The following LRRC4C variants were observed in gnomAD, a reference collection of about 807,000 sequenced individuals.
LRRC4C encodes leucine rich repeat containing 4C, also known as leucine-rich repeat-containing protein 4C.
LRRC4C carries 5 observed loss-of-function variants against 33.6 expected under a neutral mutation model. The ratio of observed to expected loss-of-function variants is 0.15; its 90% CI spans 0.08 to 0.31. The LOEUF (loss-of-function observed/expected upper bound fraction) is 0.31. LRRC4C is among the 10% of genes least tolerant of loss of function. The pLI is 1.00. For synonymous variants in LRRC4C, 329 were observed against 302.0 expected (o/e 1.09, Z -0.93); for missense variants, 560 against 796.7 (o/e 0.70, Z 3.58).
intron 1 of LRRC4C, among the ~76,000 whole-genome samples, chr11:41,339,459 T>G (rs1177609850): frequency 6.6e-6 from 1 of 152,104 alleles, no homozygotes; most frequent in Non-Finnish European, 1.5e-5. Context: ...CCAAATGAAA[T>G]GCAAAGGTCA....
chr11:40,746,054 A>T (rs538565498), intron 2 of LRRC4C, among the ~76,000 whole-genome samples: 1 of 152,188 alleles, frequency 6.6e-6, no homozygotes, highest in African/African-American at 2.4e-5. Flanking sequence ...GATTGCAAAT[A>T]CTAAAGCAAT....
intron 3 of LRRC4C, among the ~76,000 whole-genome samples, chr11:40,598,195 T>C (rs1277810252): frequency 1.3e-5 from 2 of 152,166 alleles, no homozygotes; most frequent in African/African-American, 4.8e-5. Context: ...CTTTTACTCT[T>C]TTTTCATGAG....
chr11:41,126,849 T>G (rs994540012), intron 1 of LRRC4C, among the ~76,000 whole-genome samples: 8 of 152,008 alleles, frequency 5.3e-5, no homozygotes, highest in Non-Finnish European at 8.8e-5. Flanking sequence ...GAGCCTCAAA[T>G]GAGCCTCCAG....
chr11:41,121,089 G>A (rs370189267), intron 1 of LRRC4C, among the ~76,000 whole-genome samples: 12 of 152,102 alleles, frequency 7.9e-5, no homozygotes, highest in East Asian at 5.8e-4. Context: ...TGTAAAAACA[G>A]ACTAATAAAC....
intron 3 of LRRC4C, among the ~76,000 whole-genome samples, chr11:40,441,408 T>A (rs973797711): frequency 2.0e-5 from 3 of 152,224 alleles, no homozygotes; most frequent in Admixed American, 2.0e-4. Flanking sequence ...GATTTCTGGT[T>A]GTTTAGTACG....
intron 2 of LRRC4C, among the ~76,000 whole-genome samples, chr11:40,788,724 T>C (rs1950510864): frequency 6.6e-6 from 1 of 152,172 alleles, no homozygotes; most frequent in Non-Finnish European, 1.5e-5. Flanking sequence ...TTCAAATCTT[T>C]CCTGGAATGC....
intron 2 of LRRC4C, among the ~76,000 whole-genome samples, chr11:40,846,453 G>A (rs915168122): frequency 1.3e-5 from 2 of 152,082 alleles, no homozygotes; most frequent in Admixed American, 1.3e-4. Flanking sequence ...CCCATTGCTT[G>A]TTTTTGTCTA....
chr11:40,537,156 C>A (rs1245962970), intron 3 of LRRC4C, among the ~76,000 whole-genome samples: 1 of 152,144 alleles, frequency 6.6e-6, no homozygotes, highest in East Asian at 1.9e-4. Flanking sequence ...TTTAAATTTT[C>A]AAAACAGCAA....
intron 3 of LRRC4C, among the ~76,000 whole-genome samples, chr11:40,424,969 A>T (rs570521773): frequency 1.3e-5 from 2 of 152,348 alleles, no homozygotes; most frequent in East Asian, 3.9e-4. Context: ...CAGATGTTCC[A>T]GTTAGATATT....
chr11:40,677,554 T>C (rs957041244), intron 2 of LRRC4C, among the ~76,000 whole-genome samples: 1 of 152,136 alleles, frequency 6.6e-6, no homozygotes, highest in Non-Finnish European at 1.5e-5. Context: ...ATACAGTAAC[T>C]AGAGAAATTT....
intron 1 of LRRC4C, among the ~76,000 whole-genome samples, chr11:41,311,835 A>G (rs913504858): frequency 3.9e-5 from 6 of 152,164 alleles, no homozygotes; most frequent in Admixed American, 1.3e-4. Context: ...TGTGTCATAG[A>G]TCTCACATAT....
At chr11:41,257,169 A>T (rs1338184510) in intron 1 of LRRC4C, among the ~76,000 whole-genome samples, 1 of 151,998 alleles carries the variant, frequency 6.6e-6, no homozygotes, top group Non-Finnish European at 1.5e-5. Context: ...CTAAGTTCAA[A>T]CAACCAGCCA....
At chr11:40,381,466 AT>A (rs1948864182) in intron 3 of LRRC4C, among the ~76,000 whole-genome samples, 1 of 152,186 alleles carries the variant, frequency 6.6e-6, no homozygotes, top group South Asian at 2.1e-4. Flanking sequence ...AACCTTCAAC[AT>A]TTCTTATAAT....
intron 2 of LRRC4C, among the ~76,000 whole-genome samples, chr11:40,736,725 A>G (rs181282312): frequency 6.6e-6 from 1 of 152,298 alleles, no homozygotes; most frequent in East Asian, 1.9e-4. Flanking sequence ...GCGAGATAGT[A>G]TCTCATTGTG....
intron 2 of LRRC4C, among the ~76,000 whole-genome samples, chr11:40,873,015 A>G (rs532160711): frequency 6.6e-6 from 1 of 152,218 alleles, no homozygotes; most frequent in South Asian, 2.1e-4. Context: ...AGATGAGGGG[A>G]AAAATATCTC....
chr11:40,471,708 A>T (rs1176453813), intron 3 of LRRC4C, among the ~76,000 whole-genome samples: 1 of 149,838 alleles, frequency 6.7e-6, no homozygotes, highest in African/African-American at 2.4e-5. Context: ...CAGGGGTTGC[A>T]ATCCTAGTCT....
At chr11:41,058,722 A>T (rs573093909) in intron 1 of LRRC4C, among the ~76,000 whole-genome samples, 1 of 152,350 alleles carries the variant, frequency 6.6e-6, no homozygotes, top group Admixed American at 6.5e-5. Context: ...TACTCAAAGG[A>T]ATATAAATTT....
At chr11:41,414,946 G>C (rs1954622820) in intron 1 of LRRC4C, among the ~76,000 whole-genome samples, 1 of 152,032 alleles carries the variant, frequency 6.6e-6, no homozygotes, top group Admixed American at 6.6e-5. Context: ...AATAATAACA[G>C]GCAACACTAA....
intron 3 of LRRC4C, among the ~76,000 whole-genome samples, chr11:40,563,011 TTCTCC>T (rs1201747922): frequency 2.6e-5 from 4 of 152,028 alleles, no homozygotes; most frequent in South Asian, 4.2e-4. Flanking sequence ...CTTCTCTTCC[TTCTCC>T]TCTCCTCTCC....
Sources: gnomAD v4.1 joint callset for allele counts (sites outside exome capture counted in the v4.1 genomes callset) on GRCh38, gnomAD v4.1.1 for gene constraint, MANE v1.5 for transcripts, NCBI Gene and HGNC (gene_info 2026-07-23, HGNC 2026-07-21) for gene names.